The following RNF182 variants were observed in gnomAD, a reference collection of about 807,000 sequenced individuals.
The protein encoded by RNF182 is E3 ubiquitin-protein ligase RNF182.
A neutral mutation model predicts 14.4 loss-of-function variants in RNF182; 15 were observed. That is an observed-to-expected ratio of 1.04 (90% CI 0.70 to 1.60). The LOEUF (loss-of-function observed/expected upper bound fraction) is 1.60. RNF182 is among the 40% of genes most tolerant of loss of function. RNF182 has a pLI of 0.00. For missense variants in RNF182, 268 were observed against 294.8 expected, an observed-to-expected ratio of 0.91 and a Z score of 0.67; for synonymous variants, 128 against 122.9, an observed-to-expected ratio of 1.04 and a Z score of -0.27.
rs565994668 is a variant in RNF182, at chr6:13,969,494, C to T, written c.-366-4716C>T. Among the ~76,000 whole-genome samples the T allele has an allele frequency of 1.2e-4, 18 of 152,084 alleles. No homozygotes were observed. The East Asian group carries it at 3.3e-3, about 28-fold the overall frequency. On this transcript the variant is annotated intron_variant, in intron 1 of 2. Coordinates refer to ENST00000488300, the MANE Select transcript of RNF182 (RefSeq NM_152737.4). ...AATTTGAGTGAGTAGGAAACACTAC[C>T]CCGAAGAAGTGGGGGCAGTTGGGAA...
At chr6:13,938,526 T>C (rs1346620051) in intron 1 of RNF182, among the ~76,000 whole-genome samples, 1 of 152,174 alleles carries the variant, frequency 6.6e-6, no homozygotes. Context: ...TTTTGCCTGC[T>C]CCAATATCAT....
At chr6:13,931,159 AAGAGAC>A (rs1053055711) in intron 1 of RNF182, among the ~76,000 whole-genome samples, 1 of 152,144 alleles carries the variant, frequency 6.6e-6, no homozygotes, top group African/African-American at 2.4e-5. Flanking sequence ...TTAGAGTAGA[AAGAGAC>A]AGAGAACCCC....
chr6:13,934,412 C>T (rs776328366), intron 1 of RNF182, among the ~76,000 whole-genome samples: 10 of 152,170 alleles, frequency 6.6e-5, no homozygotes, highest in Non-Finnish European at 1.2e-4. Context: ...CTCACAGTTA[C>T]GTTAGTTGTT....
chr6:13,931,491 T>G (rs1375251274), intron 1 of RNF182, among the ~76,000 whole-genome samples: 1 of 152,144 alleles, frequency 6.6e-6, no homozygotes, highest in Admixed American at 6.5e-5. Context: ...ATTTGGGTCA[T>G]TCTCCTGCAT....
At chr6:13,956,107 G>A (rs928887211) in intron 1 of RNF182, among the ~76,000 whole-genome samples, 2 of 152,056 alleles carry the variant, frequency 1.3e-5, no homozygotes, top group African/African-American at 4.8e-5. Context: ...TCATATTGCT[G>A]CAGATGACAA....
At chr6:13,958,443 A>G (rs1759784103) in intron 1 of RNF182, among the ~76,000 whole-genome samples, 1 of 152,232 alleles carries the variant, frequency 6.6e-6, no homozygotes, top group African/African-American at 2.4e-5. Context: ...TAAAATGTGT[A>G]GCATTCAAGA....
Position 13,977,932 on chromosome 6 carries a change from T to G in RNF182, c.*69T>G. 1 of 1,426,618 alleles carries G rather than the reference T, an allele frequency of 7.0e-7. No homozygotes were observed. Among genetic ancestry groups the G allele is most frequent in the Non-Finnish European group, 9.4e-7 (1 of 1,058,650 alleles). The allele number at this position is 1,426,618 out of a possible 1,614,324, so 88.4% of individuals were successfully genotyped here. On this transcript the variant is annotated 3_prime_UTR_variant, in exon 3 of 3. Transcript: ENST00000488300. ...AGTGTGAAGTTAGATAATTTATAATTTATTTTCTTTTATGTTCTTTATGAT... is the reference window on the plus strand; with the variant it reads ...AGTGTGAAGTTAGATAATTTATAATGTATTTTCTTTTATGTTCTTTATGAT...
chr6:13,975,544 C>T (rs1760300660), intron 2 of RNF182, among the ~76,000 whole-genome samples: 1 of 152,182 alleles, frequency 6.6e-6, no homozygotes, highest in Non-Finnish European at 1.5e-5. Context: ...ACCAACTATA[C>T]ATCTTGCCAC....
chr6:13,972,300 G>T (rs1314129636), intron 1 of RNF182, among the ~76,000 whole-genome samples: 1 of 139,622 alleles, frequency 7.2e-6, no homozygotes, highest in Non-Finnish European at 1.5e-5. Context: ...GCAAGACTCT[G>T]TCTCAAAAAA....
intron 1 of RNF182, among the ~76,000 whole-genome samples, chr6:13,936,451 A>G (rs886623049): frequency 9.9e-5 from 15 of 152,212 alleles, no homozygotes; most frequent in Admixed American, 6.5e-4. Context: ...GTAAATTTAC[A>G]TGGTCGTGGT....
intron 1 of RNF182, among the ~76,000 whole-genome samples, chr6:13,969,684 T>C (rs1405866472): frequency 6.6e-6 from 1 of 152,192 alleles, no homozygotes; most frequent in Non-Finnish European, 1.5e-5. Flanking sequence ...ATAAGTGGTT[T>C]ATTATTTAGG....
At chr6:13,940,653 T>C (rs1759271478) in intron 1 of RNF182, among the ~76,000 whole-genome samples, 1 of 152,160 alleles carries the variant, frequency 6.6e-6, no homozygotes, top group Non-Finnish European at 1.5e-5. Context: ...CTTTAGGTTT[T>C]CTGTTTTTTC....
chr6:13,957,245 A>G (rs987597853), intron 1 of RNF182, among the ~76,000 whole-genome samples: 7 of 152,236 alleles, frequency 4.6e-5, no homozygotes, highest in African/African-American at 1.4e-4. Flanking sequence ...TAATCTTCAC[A>G]GTTGAATATA....
Position 13,978,792 on chromosome 6 carries a change from C to G in RNF182, c.*929C>G, listed in dbSNP as rs1238563227. The G allele has an allele frequency of 1.2e-5, 2 of 166,742 alleles. No individual in the cohort carries two copies. Among genetic ancestry groups the G allele is most frequent in the African/African-American group, 4.8e-5 (2 of 41,306 alleles). The allele number at this position is 166,742 out of a possible 1,614,324, so 10.3% of individuals were successfully genotyped here. The stretch of plus-strand genomic sequence containing the variant: ...TTTTTTCCCTATTATATTTTTGGTT[C>G]TATTAGGATTTACTTAACTGAATCT... On this transcript the variant is annotated 3_prime_UTR_variant, in exon 3 of 3. Coordinates refer to ENST00000488300, the MANE Select transcript of RNF182 (RefSeq NM_152737.4).
chr6:13,927,082 A>G (rs1479103382), intron 1 of RNF182, among the ~76,000 whole-genome samples: 1 of 152,182 alleles, frequency 6.6e-6, no homozygotes, highest in African/African-American at 2.4e-5. Flanking sequence ...TTTTCTGCCA[A>G]AAAATAAAGT....
intron 1 of RNF182, among the ~76,000 whole-genome samples, chr6:13,955,442 T>A (rs543583653): frequency 1.3e-5 from 2 of 152,362 alleles, no homozygotes; most frequent in South Asian, 4.1e-4. Flanking sequence ...TGTCTTTCCC[T>A]TGGTTATTTG....
At chr6:13,938,023 TTTTTG>T (rs1461610062) in intron 1 of RNF182, among the ~76,000 whole-genome samples, 1 of 147,116 alleles carries the variant, frequency 6.8e-6, no homozygotes, top group African/African-American at 2.5e-5. Flanking sequence ...TTTTTTTTTT[TTTTTG>T]AGACAGAGTT....
chr6:13,925,057 CGGCGGGACGCCGGGCCT>C (rs1758781556), intron 1 of RNF182, 34 bp downstream of exon 1: 1 of 147,700 alleles, frequency 6.8e-6, no homozygotes, highest in Non-Finnish European at 1.5e-5. Context: ...GGGGAGGGGT[CGGCGGGACGCCGGGCCT>C]CCCCAACGCT....
chr6:13,966,395 A>G (rs1760028644), intron 1 of RNF182, among the ~76,000 whole-genome samples: 1 of 152,234 alleles, frequency 6.6e-6, no homozygotes, highest in Non-Finnish European at 1.5e-5. Flanking sequence ...TTAAAGGTGA[A>G]TGAACTTGGA....
Sources: gnomAD v4.1 joint callset for allele counts (sites outside exome capture counted in the v4.1 genomes callset) on GRCh38, gnomAD v4.1.1 for gene constraint, MANE v1.5 for transcripts, NCBI Gene and HGNC (gene_info 2026-07-23, HGNC 2026-07-21) for gene names.